BRD10: variants seen among roughly 807,000 people sequenced by gnomAD.
BRD10 encodes uncharacterized bromodomain-containing protein 10.
At chr9:5,975,439 CAAAAAAAA>C in the BRD10 span, among the ~76,000 whole-genome samples, 18 of 61,246 alleles carry the variant, frequency 2.9e-4, no homozygotes, top group South Asian at 3.1e-3. Flanking sequence ...AACTCCATCT[CAAAAAAAA>C]AAAAAAAAAA....
At chr9:5,999,812 T>C in the BRD10 span, among the ~76,000 whole-genome samples, 2 of 151,718 alleles carry the variant, frequency 1.3e-5, no homozygotes, top group Non-Finnish European at 2.9e-5. Context: ...CATCTTTGAA[T>C]CTCCCTATAG....
the BRD10 span, chr9:6,007,156 G>C: frequency 6.3e-7 from 1 of 1,582,600 alleles, no homozygotes; most frequent in African/African-American, 1.3e-5. Context: ...GTGTGTTTGT[G>C]TCAGTCTGTC....
the BRD10 span, among the ~76,000 whole-genome samples, chr9:5,948,355 TAAC>T: frequency 1.3e-4 from 20 of 152,302 alleles, no homozygotes; most frequent in Admixed American, 5.9e-4. Context: ...TAAAGAAATC[TAAC>T]AACTGAACTT....
At chr9:5,991,513 A>C in the BRD10 span, among the ~76,000 whole-genome samples, 1 of 152,152 alleles carries the variant, frequency 6.6e-6, no homozygotes, top group Non-Finnish European at 1.5e-5. Context: ...ACCTGACGTC[A>C]GGAGTTCCAG....
At chr9:5,936,321 C>A in the BRD10 span, among the ~76,000 whole-genome samples, 1 of 152,122 alleles carries the variant, frequency 6.6e-6, no homozygotes, top group Middle Eastern at 3.2e-3. Flanking sequence ...CACTACTGCA[C>A]TCTTGCCTGG....
chr9:5,932,970 C>G, the BRD10 span, among the ~76,000 whole-genome samples: 9 of 151,918 alleles, frequency 5.9e-5, no homozygotes, highest in African/African-American at 1.9e-4. Flanking sequence ...AAAAGCAAAA[C>G]AGCAAGTTCT....
At chr9:5,984,682 A>C in the BRD10 span, among the ~76,000 whole-genome samples, 1 of 152,170 alleles carries the variant, frequency 6.6e-6, no homozygotes, top group East Asian at 1.9e-4. Context: ...GTATTTCTAG[A>C]TATATTAGCA....
At chr9:5,954,082 G>A in the BRD10 span, 2 of 1,547,364 alleles carry the variant, frequency 1.3e-6, no homozygotes, top group East Asian at 2.4e-5. Flanking sequence ...CTTTTTTAGA[G>A]ACGGATTTTT....
chr9:5,988,238 T>C, the BRD10 span: 1 of 749,786 alleles, frequency 1.3e-6, no homozygotes, highest in Admixed American at 2.6e-5. Flanking sequence ...GAATTCATAC[T>C]TTTGTAACAA....
At chr9:5,948,674 G>A in the BRD10 span, among the ~76,000 whole-genome samples, 1 of 151,688 alleles carries the variant, frequency 6.6e-6, no homozygotes, top group Non-Finnish European at 1.5e-5. Flanking sequence ...CAAACAATAT[G>A]GTAGATTATA....
chr9:5,923,788 A>T, the BRD10 span, among the ~76,000 whole-genome samples: 27 of 152,324 alleles, frequency 1.8e-4, no homozygotes, highest in East Asian at 5.2e-3. Flanking sequence ...TCATCCTTAT[A>T]GTGAAAAAAT....
the BRD10 span, among the ~76,000 whole-genome samples, chr9:5,958,921 T>C: frequency 6.6e-6 from 1 of 152,198 alleles, no homozygotes; most frequent in Non-Finnish European, 1.5e-5. Context: ...GAGCTAACTA[T>C]ATTCTAGGAG....
the BRD10 span, among the ~76,000 whole-genome samples, chr9:5,880,008 C>T: frequency 1.3e-5 from 2 of 152,052 alleles, no homozygotes; most frequent in South Asian, 2.1e-4. Flanking sequence ...CAACCTCCGC[C>T]TCCCGGGTTC....
At chr9:5,955,814 G>C in the BRD10 span, among the ~76,000 whole-genome samples, 9 of 152,278 alleles carry the variant, frequency 5.9e-5, no homozygotes, top group Admixed American at 5.9e-4. Context: ...CTCCTACAAA[G>C]ATAGGTAAGT....
the BRD10 span, among the ~76,000 whole-genome samples, chr9:5,990,048 G>A: frequency 6.6e-6 from 1 of 152,150 alleles, no homozygotes; most frequent in African/African-American, 2.4e-5. Flanking sequence ...AACTAATTCA[G>A]CTTTAATAAG....
chr9:5,961,130 G>A, the BRD10 span, among the ~76,000 whole-genome samples: 1 of 152,158 alleles, frequency 6.6e-6, no homozygotes, highest in African/African-American at 2.4e-5. Context: ...TAAAGTGCCA[G>A]GGATGCAAAA....
chr9:5,885,433 C>CG, the BRD10 span, among the ~76,000 whole-genome samples: 6 of 151,154 alleles, frequency 4.0e-5, no homozygotes, highest in African/African-American at 1.5e-4. Flanking sequence ...TGCAATGGCT[C>CG]GATCTCAGCT....
the BRD10 span, among the ~76,000 whole-genome samples, chr9:5,887,268 AC>A: frequency 6.6e-6 from 1 of 152,064 alleles, no homozygotes; most frequent in African/African-American, 2.4e-5. Context: ...CAACCCACCC[AC>A]CAAAAAATAT....
chr9:5,927,584 T>C, the BRD10 span, among the ~76,000 whole-genome samples: 5 of 152,204 alleles, frequency 3.3e-5, no homozygotes, highest in East Asian at 1.9e-4. Flanking sequence ...ACTCTTCTAC[T>C]ACCACAGCTC....
Sources: allele counts gnomAD v4.1 joint callset (sites outside exome capture counted in the v4.1 genomes callset), GRCh38; gene constraint gnomAD v4.1.1; transcripts MANE v1.5; gene names NCBI Gene and HGNC (gene_info 2026-07-23, HGNC 2026-07-21).